TNRC6A: variants seen among roughly 807,000 people sequenced by gnomAD.
TNRC6A encodes the protein trinucleotide repeat containing adaptor 6A.
In TNRC6A, 44 loss-of-function variants were observed where a neutral mutation model predicts 221.2. The ratio of observed to expected loss-of-function variants is 0.20; its 90% CI spans 0.16 to 0.26. The LOEUF is 0.26. Ranked by LOEUF, TNRC6A falls within the 10% of genes least tolerant of loss-of-function variation. The probability of loss-of-function intolerance (pLI) is 1.00; values close to 1 mark genes in which losing one functional copy is unlikely to be tolerated. For missense variants in TNRC6A, 2,199 were observed against 2,404.4 expected (o/e 0.91, Z 1.79); for synonymous variants, 847 against 838.5 (o/e 1.01, Z -0.18).
chr16:24,817,171 T>C (rs1226198514), intron 20 of TNRC6A, among the ~76,000 whole-genome samples: 4 of 152,336 alleles, frequency 2.6e-5, no homozygotes, highest in South Asian at 2.1e-4. Context: ...CAGAATTCTC[T>C]CTGTTCCCAT....
Position 24,793,610 on chromosome 16 carries a change from G to T in TNRC6A, c.3313G>T (p.Gly1105Cys). 1.3e-6 allele frequency: 2 copies of T among 1,552,348 alleles called. No homozygotes were observed. The highest frequency in any genetic ancestry group is 1.3e-5 in the South Asian group (1 of 78,122). The change falls in exon 7 of 25, where the codon GGC becomes TGC. Residue 1105 changes from glycine to cysteine, a missense_variant. By Grantham distance (159) the Gly-to-Cys change is radical. Coordinates refer to ENST00000395799, the MANE Select transcript of TNRC6A (RefSeq NM_014494.4). ...IAAASSTSTW[G>C]SSSVGPQALS... ...TGCGGCATCCAGCACATCCACGTGG[G>T]GCTCCAGCTCTGTTGGTCCACAAGC...
At chr16:24,634,819 C>T (rs1370752467) in intron 1 of TNRC6A, among the ~76,000 whole-genome samples, 1 of 152,048 alleles carries the variant, frequency 6.6e-6, no homozygotes, top group Non-Finnish European at 1.5e-5. Context: ...TTCAGTGGCA[C>T]CTGGCCTGTC....
chr16:24,782,725 A>G (rs535803793), intron 5 of TNRC6A, among the ~76,000 whole-genome samples: 5 of 152,156 alleles, frequency 3.3e-5, no homozygotes, highest in South Asian at 2.1e-4. Flanking sequence ...AAAATACAAA[A>G]AACAAAATTA....
intron 2 of TNRC6A, among the ~76,000 whole-genome samples, chr16:24,749,781 C>G (rs1165092047): frequency 6.6e-6 from 1 of 152,186 alleles, no homozygotes; most frequent in Non-Finnish European, 1.5e-5. Flanking sequence ...AAATCCTGAA[C>G]CAGAGGTTCT....
At chr16:24,785,646 T>C (rs1221943710) in intron 5 of TNRC6A, among the ~76,000 whole-genome samples, 1 of 152,264 alleles carries the variant, frequency 6.6e-6, no homozygotes, top group Non-Finnish European at 1.5e-5. Context: ...GTAGTATTGA[T>C]GACAAGTATT....
chr16:24,666,996 G>GC (rs1308388301), intron 2 of TNRC6A, among the ~76,000 whole-genome samples: 1 of 151,882 alleles, frequency 6.6e-6, no homozygotes, highest in African/African-American at 2.4e-5. Flanking sequence ...CGTGCCTGTA[G>GC]CCCCAGCTAC....
At chr16:24,681,079 A>G (rs1044300495) in intron 2 of TNRC6A, among the ~76,000 whole-genome samples, 14 of 151,824 alleles carry the variant, frequency 9.2e-5, no homozygotes, top group African/African-American at 3.4e-4. Context: ...ATAACTCAGA[A>G]CCATATCAAA....
At chr16:24,773,402 G>A (rs1301005757) in intron 4 of TNRC6A, among the ~76,000 whole-genome samples, 1 of 152,030 alleles carries the variant, frequency 6.6e-6, no homozygotes, top group African/African-American at 2.4e-5. Context: ...TTTATTTAAG[G>A]CAGATTTTTA....
At position 24,660,098 on chromosome 16, in the gene TNRC6A, G is replaced by C. The variant is rs571662176; in HGVS notation, n.402+19089G>C. ...TTTTTTTAACTTTTTATTTCTGTAG[G>C]TTTTGGGGGGAACAGGTAGTGTTTG... On this transcript the variant is annotated intron_variant and non_coding_transcript_variant, in intron 2 of 2. Coordinates refer to the TNRC6A transcript ENST00000566108. Among the ~76,000 whole-genome samples, 3 of 152,010 alleles carry C rather than the reference G, an allele frequency of 2.0e-5. No homozygotes were observed. In the East Asian group the frequency reaches 5.8e-4, roughly 29 times the overall value.
intron 2 of TNRC6A, among the ~76,000 whole-genome samples, chr16:24,681,653 A>G (rs2055536307): frequency 6.6e-6 from 1 of 152,196 alleles, no homozygotes; most frequent in Non-Finnish European, 1.5e-5. Context: ...TAATTAGTCC[A>G]ACTGTTAAAA....
chr16:24,670,020 G>A (rs1221980180), intron 2 of TNRC6A, among the ~76,000 whole-genome samples: 1 of 132,830 alleles, frequency 7.5e-6, no homozygotes, highest in Admixed American at 8.9e-5. Context: ...CGTGATCTTG[G>A]CTCACTGCAA....
At chr16:24,656,532 C>T (rs957931426) in intron 2 of TNRC6A, among the ~76,000 whole-genome samples, 25 of 148,852 alleles carry the variant, frequency 1.7e-4, no homozygotes, top group Admixed American at 1.5e-3. Context: ...ATACATAGAA[C>T]ATATATTTAA....
At chr16:24,664,806 C>G (rs1382064543) in intron 2 of TNRC6A, 3 of 436,798 alleles carry the variant, frequency 6.9e-6, no homozygotes, top group South Asian at 4.9e-5. Flanking sequence ...CACACACACA[C>G]ACACACAAAA....
At chr16:24,771,516 C>CATGTTATGCTATGTT (rs1555502075) in intron 4 of TNRC6A, among the ~76,000 whole-genome samples, 1 of 88,048 alleles carries the variant, frequency 1.1e-5, no homozygotes, top group Admixed American at 1.3e-4. Flanking sequence ...GAGCCTGGTG[C>CATGTTATGCTATGTT]ATGTTATGTT....
intron 2 of TNRC6A, among the ~76,000 whole-genome samples, chr16:24,707,566 TA>T (rs756318654): frequency 9.2e-5 from 14 of 152,252 alleles, no homozygotes; most frequent in Non-Finnish European, 2.1e-4. Context: ...TAAATGTCCT[TA>T]ATAAACAAAG....
chr16:24,683,790 GGA>G (rs2142075112), intron 2 of TNRC6A, among the ~76,000 whole-genome samples: 1 of 152,262 alleles, frequency 6.6e-6, no homozygotes, highest in East Asian at 1.9e-4. Context: ...GGTAAAATAA[GGA>G]GAGTGCCCTG....
At chr16:24,805,831 C>G (rs2151989775) in intron 15 of TNRC6A, 98 bp downstream of exon 15, 1 of 1,463,890 alleles carries the variant, frequency 6.8e-7, no homozygotes, top group East Asian at 2.3e-5. Context: ...CTAAACAAAA[C>G]AGGCGTAGTC....
At chr16:24,694,273 G>A (rs1380689256) in intron 2 of TNRC6A, among the ~76,000 whole-genome samples, 4 of 152,082 alleles carry the variant, frequency 2.6e-5, no homozygotes, top group East Asian at 3.9e-4. Flanking sequence ...CCCCGTCTCC[G>A]ACCTCAGCAC....
Position 24,612,448 on chromosome 16 carries a change from C to T in TNRC6A, n.276+1964C>T, listed in dbSNP as rs554031458. ...CACACAGTTAACCACCAGACAGCTT[C>T]GAAAGAAAGCTATCCAGGCTGGGCG... On this transcript the variant is annotated intron_variant and non_coding_transcript_variant, in intron 1 of 2. Coordinates refer to the TNRC6A transcript ENST00000566108. 2.5e-4 allele frequency among the ~76,000 whole-genome samples: 38 copies of T among 151,120 alleles called. No individual in the cohort carries two copies. The Middle Eastern group carries it at 0.01, about 41-fold the overall frequency.
Sources: gnomAD v4.1 joint callset for allele counts (sites outside exome capture counted in the v4.1 genomes callset) on GRCh38, gnomAD v4.1.1 for gene constraint, MANE v1.5 for transcripts, NCBI Gene and HGNC (gene_info 2026-07-23, HGNC 2026-07-21) for gene names.